Variants in HS6ST3 observed in about 807,000 individuals in gnomAD.
HS6ST3 encodes the protein heparan sulfate 6-O-sulfotransferase 3.
Under a neutral mutation model 36.7 loss-of-function variants are expected in HS6ST3, and 12 were observed. That is an observed-to-expected ratio of 0.33 (90% CI 0.21 to 0.53). The LOEUF is 0.53. HS6ST3 is among the 20% of genes least tolerant of loss of function. HS6ST3 has a pLI of 0.95. For missense variants in HS6ST3, 584 were observed against 640.9 expected, an observed-to-expected ratio of 0.91 and a Z score of 0.96; for synonymous variants, 240 against 257.5, an observed-to-expected ratio of 0.93 and a Z score of 0.65.
intron 1 of HS6ST3, among the ~76,000 whole-genome samples, chr13:96,647,629 A>G (rs1401636679): frequency 1.3e-5 from 2 of 152,082 alleles, no homozygotes; most frequent in African/African-American, 2.4e-5. Flanking sequence ...TACAGATGTC[A>G]TAATAACTTT....
At chr13:96,726,022 G>C (rs1336785647) in intron 1 of HS6ST3, among the ~76,000 whole-genome samples, 3 of 152,130 alleles carry the variant, frequency 2.0e-5, no homozygotes, top group African/African-American at 7.2e-5. Flanking sequence ...ATTTTAGGTA[G>C]AGACCGGGTT....
At chr13:96,482,302 A>G (rs1042310656) in intron 1 of HS6ST3, among the ~76,000 whole-genome samples, 1 of 152,194 alleles carries the variant, frequency 6.6e-6, no homozygotes, top group Non-Finnish European at 1.5e-5. Context: ...TTTCTTTGCC[A>G]TAGATCCCAG....
intron 1 of HS6ST3, among the ~76,000 whole-genome samples, chr13:96,303,255 G>A (rs1301434989): frequency 2.0e-5 from 3 of 152,086 alleles, no homozygotes; most frequent in South Asian, 2.1e-4. Flanking sequence ...GAATTCGCAC[G>A]GCTAAGAAAG....
chr13:96,369,858 T>C (rs141867950), intron 1 of HS6ST3, among the ~76,000 whole-genome samples: 118 of 152,198 alleles, frequency 7.8e-4, no homozygotes, highest in African/African-American at 2.7e-3. Context: ...TTTCAGAAGA[T>C]CTTTTTTTTA....
intron 1 of HS6ST3, among the ~76,000 whole-genome samples, chr13:96,701,605 G>A (rs1875289961): frequency 6.6e-6 from 1 of 152,084 alleles, no homozygotes; most frequent in Non-Finnish European, 1.5e-5. Flanking sequence ...TCTTAAAAAG[G>A]AGTTCCCATG....
At chr13:96,770,275 A>G (rs955223475) in intron 1 of HS6ST3, among the ~76,000 whole-genome samples, 1 of 152,184 alleles carries the variant, frequency 6.6e-6, no homozygotes, top group African/African-American at 2.4e-5. Context: ...TGGAGCTCCT[A>G]TGGATGAATT....
At chr13:96,734,812 G>A (rs534932306) in intron 1 of HS6ST3, among the ~76,000 whole-genome samples, 7 of 152,202 alleles carry the variant, frequency 4.6e-5, no homozygotes, top group Admixed American at 3.3e-4. Flanking sequence ...GATTCTCTTC[G>A]CCAGATCAGT....
At chr13:96,350,319 A>G (rs1025849443) in intron 1 of HS6ST3, among the ~76,000 whole-genome samples, 14 of 152,198 alleles carry the variant, frequency 9.2e-5, no homozygotes, top group African/African-American at 2.9e-4. Context: ...GCCAGCTTAC[A>G]TGTTATCGTC....
chr13:96,588,159 G>T (rs1195714002), intron 1 of HS6ST3, among the ~76,000 whole-genome samples: 1 of 148,762 alleles, frequency 6.7e-6, no homozygotes, highest in Non-Finnish European at 1.5e-5. Flanking sequence ...TGTATTGTGT[G>T]TGTGTAGAGT....
At chr13:96,654,652 A>C (rs2056618647) in intron 1 of HS6ST3, among the ~76,000 whole-genome samples, 2 of 152,158 alleles carry the variant, frequency 1.3e-5, no homozygotes, top group Admixed American at 6.6e-5. Context: ...TGATGCCTCC[A>C]GCTTTGTTCT....
At chr13:96,474,568 C>G (rs1389139963) in intron 1 of HS6ST3, among the ~76,000 whole-genome samples, 1 of 151,530 alleles carries the variant, frequency 6.6e-6, no homozygotes, top group African/African-American at 2.4e-5. Context: ...AGAATGCAAA[C>G]AAAATATAGC....
chr13:96,532,269 T>C (rs1308350782), intron 1 of HS6ST3, among the ~76,000 whole-genome samples: 1 of 152,238 alleles, frequency 6.6e-6, no homozygotes, highest in Non-Finnish European at 1.5e-5. Context: ...ATGTATACAT[T>C]ATTCTGTTTA....
chr13:96,820,886 G>A (rs573073337), intron 1 of HS6ST3, among the ~76,000 whole-genome samples: 71 of 152,308 alleles, frequency 4.7e-4, no homozygotes, highest in African/African-American at 1.5e-3. Context: ...AGTCTTCATA[G>A]CATTGTATTC....
chr13:96,552,513 G>A (rs1403585157), intron 1 of HS6ST3, among the ~76,000 whole-genome samples: 2 of 152,198 alleles, frequency 1.3e-5, no homozygotes, highest in African/African-American at 4.8e-5. Flanking sequence ...GGTCCTAATT[G>A]AGAGTTTCCC....
Position 96,215,402 on chromosome 13 carries a change from G to A in HS6ST3, c.707+123833G>A, listed in dbSNP as rs548732555. Among the ~76,000 whole-genome samples, 8 of 152,286 alleles carry A rather than the reference G, an allele frequency of 5.3e-5. No individual in the cohort carries two copies. The South Asian group carries it at 6.2e-4, about 12-fold the overall frequency. On this transcript the variant is annotated intron_variant, in intron 1 of 1. Coordinates refer to ENST00000376705, the MANE Select transcript of HS6ST3 (RefSeq NM_153456.4). ...AATTGAATTCTAGATATGAAATGCC[G>A]ATGGCAGTGGGTTTATCCAACCTAT...
intron 1 of HS6ST3, among the ~76,000 whole-genome samples, chr13:96,485,889 G>A (rs1299215939): frequency 2.6e-5 from 4 of 151,916 alleles, no homozygotes; most frequent in East Asian, 3.9e-4. Flanking sequence ...TATACTTTAA[G>A]TTTTAGGGTA....
At chr13:96,117,516 C>T (rs2053899401) in intron 1 of HS6ST3, among the ~76,000 whole-genome samples, 1 of 151,974 alleles carries the variant, frequency 6.6e-6, no homozygotes, top group Admixed American at 6.6e-5. Flanking sequence ...TATCAAGAAT[C>T]AGAAAGAGAT....
chr13:96,317,630 T>A (rs1022016147), intron 1 of HS6ST3, among the ~76,000 whole-genome samples: 2 of 151,324 alleles, frequency 1.3e-5, no homozygotes, highest in African/African-American at 4.8e-5. Flanking sequence ...CTTTGAGAAA[T>A]CTCCAAACTG....
chr13:96,252,829 C>T (rs909770581), intron 1 of HS6ST3, among the ~76,000 whole-genome samples: 4 of 152,058 alleles, frequency 2.6e-5, no homozygotes, highest in African/African-American at 9.7e-5. Context: ...ACCCCCAACT[C>T]TCCCTTGCTC....
Sources: gnomAD v4.1 joint callset for allele counts (sites outside exome capture counted in the v4.1 genomes callset) on GRCh38, gnomAD v4.1.1 for gene constraint, MANE v1.5 for transcripts, NCBI Gene and HGNC (gene_info 2026-07-23, HGNC 2026-07-21) for gene names.